The following ZNF536 variants were observed in gnomAD, a reference collection of about 807,000 sequenced individuals.
ZNF536 encodes zinc finger protein 536.
A neutral mutation model predicts 84.5 loss-of-function variants in ZNF536; 13 were observed. The observed-to-expected ratio is 0.15, with a 90% CI of 0.10 to 0.24. The LOEUF (loss-of-function observed/expected upper bound fraction) is 0.24, where lower values mean the gene tolerates loss of function less well. Ranked by LOEUF, ZNF536 falls within the 10% of genes least tolerant of loss-of-function variation. The pLI is 1.00. For missense variants in ZNF536, 1,536 were observed against 1,747.5 expected (o/e 0.88, Z 2.16); for synonymous variants, 811 against 742.5 (o/e 1.09, Z -1.50).
At position 30,570,221 on chromosome 19, in the gene ZNF536, G is replaced by A. The variant is rs545907609; in HGVS notation, c.169+20707G>A. The stretch of plus-strand genomic sequence containing the variant: ...TGCCCTGCCATGCAGCTCACACCAC[G>A]GCATTTGGCGTGCCCCCTGGACACC... On this transcript the variant is annotated intron_variant, in intron 1 of 1. Transcript: ENST00000592773. 8.5e-5 allele frequency among the ~76,000 whole-genome samples: 13 copies of A among 152,258 alleles called. No individual in the cohort carries two copies. The South Asian group carries it at 2.1e-3, about 24-fold the overall frequency.
At chr19:30,452,372 G>T (rs1411867719) in intron 2 of ZNF536, among the ~76,000 whole-genome samples, 1 of 152,224 alleles carries the variant, frequency 6.6e-6, no homozygotes, top group African/African-American at 2.4e-5. Flanking sequence ...GCGTTCCCAG[G>T]AAGGGTAAGG....
At chr19:30,499,910 G>C (rs987748106) in intron 2 of ZNF536, among the ~76,000 whole-genome samples, 20 of 152,100 alleles carry the variant, frequency 1.3e-4, no homozygotes, top group African/African-American at 4.6e-4. Flanking sequence ...ACGAAATGAA[G>C]TGTTCCTCCC....
At chr19:30,420,031 G>T (rs1465732154) in intron 1 of ZNF536, among the ~76,000 whole-genome samples, 1 of 152,164 alleles carries the variant, frequency 6.6e-6, no homozygotes, top group Non-Finnish European at 1.5e-5. Context: ...TCACAGGCAG[G>T]CTGGGCGCTG....
At chr19:30,326,804 TTTTTTTTTTTTTTTG>T (rs2047048702) in intron 2 of ZNF536, among the ~76,000 whole-genome samples, 1 of 128,368 alleles carries the variant, frequency 7.8e-6, no homozygotes, top group Non-Finnish European at 1.6e-5. Flanking sequence ...TTTTTTTTTT[TTTTTTTTTTTTTTTG>T]TTTTCTAGTT....
At position 30,443,892 on chromosome 19, in the gene ZNF536, C is replaced by A. The variant is rs760463207; in HGVS notation, c.330C>A (p.Asn110Lys). 1 of 1,613,676 alleles carries A rather than the reference C, an allele frequency of 6.2e-7. No individual in the cohort carries two copies. Among genetic ancestry groups the A allele is most frequent in the Non-Finnish European group, 8.5e-7 (1 of 1,180,024 alleles). ...VDLQQFLNGQ[N>K]LGIMSQMSDI... ...TGCAGCAGTTCCTCAACGGGCAGAACCTGGGCATCATGTCCCAGATGAGCG... is the reference window on the plus strand; with the variant it reads ...TGCAGCAGTTCCTCAACGGGCAGAAACTGGGCATCATGTCCCAGATGAGCG... Residue 110 changes from asparagine to lysine, a missense_variant, in exon 2 of 5, where the codon AAC becomes AAA. By Grantham distance (94) the Asn-to-Lys change is moderately conservative (BLOSUM62 0). Around this residue, in one of 8 missense-constraint regions of ZNF536, gnomAD observed 161 missense variants for 178.5 expected, o/e 0.90. Transcript: ENST00000355537.
intron 1 of ZNF536, among the ~76,000 whole-genome samples, chr19:30,234,582 A>G (rs1457746772): frequency 1.3e-5 from 2 of 151,620 alleles, no homozygotes; most frequent in African/African-American, 2.4e-5. Flanking sequence ...TTGTGTTTTT[A>G]GTAGAGACAG....
At chr19:30,633,967 T>C (rs1389699192) in intron 1 of ZNF536, among the ~76,000 whole-genome samples, 2 of 152,176 alleles carry the variant, frequency 1.3e-5, no homozygotes, top group Non-Finnish European at 2.9e-5. Context: ...GTGTAACATG[T>C]GGTGCTATTT....
chr19:30,464,899 C>T (rs926057967), intron 2 of ZNF536, among the ~76,000 whole-genome samples: 2 of 151,980 alleles, frequency 1.3e-5, no homozygotes, highest in Admixed American at 1.3e-4. Flanking sequence ...GGCTGTGGCT[C>T]TTCGGGGAAT....
intron 1 of ZNF536, among the ~76,000 whole-genome samples, chr19:30,700,058 TCC>T (rs1568684208): frequency 1.4e-5 from 2 of 145,814 alleles, no homozygotes; most frequent in Admixed American, 1.4e-4. Context: ...TCTCCCTCCC[TCC>T]GCCTCCCTCC....
chr19:30,314,194 G>A (rs1404060887), intron 2 of ZNF536, among the ~76,000 whole-genome samples: 1 of 152,116 alleles, frequency 6.6e-6, no homozygotes, highest in Non-Finnish European at 1.5e-5. Context: ...GGGCCTGGGG[G>A]CCCCGGGGAC....
At chr19:30,378,657 C>T (rs555290796) in intron 1 of ZNF536, among the ~76,000 whole-genome samples, 1 of 152,338 alleles carries the variant, frequency 6.6e-6, no homozygotes, top group African/African-American at 2.4e-5. Context: ...CTTGAGGTCT[C>T]TGCCCTTCAT....
intron 2 of ZNF536, among the ~76,000 whole-genome samples, chr19:30,512,942 G>A (rs980497692): frequency 1.3e-5 from 2 of 152,154 alleles, no homozygotes; most frequent in African/African-American, 2.4e-5. Flanking sequence ...TCAGCCGGAT[G>A]GTGTTATGTT....
At chr19:30,461,189 G>A (rs1046041936) in intron 2 of ZNF536, among the ~76,000 whole-genome samples, 2 of 152,174 alleles carry the variant, frequency 1.3e-5, no homozygotes, top group Non-Finnish European at 2.9e-5. Context: ...ATCAGCGGTT[G>A]TGTAAACTGA....
intron 2 of ZNF536, among the ~76,000 whole-genome samples, chr19:30,522,575 C>A (rs1232831317): frequency 2.0e-5 from 3 of 151,966 alleles, no homozygotes; most frequent in Non-Finnish European, 4.4e-5. Context: ...CTACATGCGA[C>A]CCTCTAAAAC....
At chr19:30,320,278 T>C (rs1315983385) in intron 2 of ZNF536, among the ~76,000 whole-genome samples, 1 of 152,166 alleles carries the variant, frequency 6.6e-6, no homozygotes, top group Non-Finnish European at 1.5e-5. Context: ...TCCTGATAAA[T>C]CGTATAGAAA....
chr19:30,428,082 G>C (rs1482611888), intron 1 of ZNF536, among the ~76,000 whole-genome samples: 2 of 152,164 alleles, frequency 1.3e-5, no homozygotes, highest in African/African-American at 4.8e-5. Context: ...CTTGTTAACT[G>C]CAAGTGCTCT....
intron 1 of ZNF536, among the ~76,000 whole-genome samples, chr19:30,387,500 C>T (rs1317662784): frequency 6.6e-6 from 1 of 152,170 alleles, no homozygotes; most frequent in African/African-American, 2.4e-5. Context: ...CATTTATTGC[C>T]ACTTACCACG....
chr19:30,646,777 G>A (rs1285905921), intron 1 of ZNF536, among the ~76,000 whole-genome samples: 1 of 152,054 alleles, frequency 6.6e-6, no homozygotes, highest in African/African-American at 2.4e-5. Flanking sequence ...GTATCAACTG[G>A]CACCTGCCCT....
At chr19:30,615,709 A>G (rs1465593698) in intron 1 of ZNF536, among the ~76,000 whole-genome samples, 2 of 152,114 alleles carry the variant, frequency 1.3e-5, no homozygotes, top group African/African-American at 4.8e-5. Flanking sequence ...CATTAAGTTT[A>G]TAGATTTATA....
Sources: gnomAD v4.1 joint callset for allele counts (sites outside exome capture counted in the v4.1 genomes callset) on GRCh38, gnomAD v4.1.1 for gene constraint, gnomAD v4.1.1 regional missense constraint, MANE v1.5 for transcripts, NCBI Gene and HGNC (gene_info 2026-07-23, HGNC 2026-07-21) for gene names.